GRIN2B: variants seen among roughly 807,000 people sequenced by gnomAD.
GRIN2B encodes glutamate ionotropic receptor NMDA type subunit 2B, also known as glutamate receptor ionotropic, NMDA 2B.
In GRIN2B, 5 loss-of-function variants were observed where a neutral mutation model predicts 114.5. That is an observed-to-expected ratio of 0.04 (90% CI 0.02 to 0.09). The LOEUF (loss-of-function observed/expected upper bound fraction) is 0.09. GRIN2B is among the 10% of genes least tolerant of loss of function. The probability of loss-of-function intolerance (pLI) is 1.00; values close to 1 mark genes in which losing one functional copy is unlikely to be tolerated. For missense variants in GRIN2B, 1,108 were observed against 1,943.5 expected (o/e 0.57, Z 8.08); for synonymous variants, 787 against 745.1 (o/e 1.06, Z -0.92).
At position 13,547,369 on chromosome 12, in the gene GRIN2B, A is replaced by G. The variant is rs532614094; in HGVS notation, c.*15414T>C. 8.5e-5 allele frequency: 13 copies of G among 152,328 alleles called. No individual in the cohort carries two copies. The highest frequency in any genetic ancestry group is 2.6e-4 in the African/African-American group (11 of 41,582). 9.4% of individuals were successfully genotyped at this position (152,328 alleles called of 1,614,324 possible). A position where few individuals can be genotyped will look rare whatever the true frequency, so the allele number is the denominator to read the frequency against. On this transcript the variant is annotated 3_prime_UTR_variant, in exon 14 of 14. Coordinates refer to ENST00000609686, the MANE Select transcript of GRIN2B (RefSeq NM_000834.5). ...AACCACTGAAGTTCATTTTGGAATC[A>G]TGGCCACCCAGAAGAGGAAAGGGGT...
intron 3 of GRIN2B, among the ~76,000 whole-genome samples, chr12:13,768,374 A>G (rs1863839710): frequency 6.6e-6 from 1 of 152,240 alleles, no homozygotes; most frequent in Admixed American, 6.5e-5. Context: ...AAAACTTGAA[A>G]GAATGGCAAG....
intron 2 of GRIN2B, among the ~76,000 whole-genome samples, chr12:13,946,703 C>T (rs1253649219): frequency 1.3e-5 from 2 of 151,876 alleles, no homozygotes; most frequent in African/African-American, 4.8e-5. Context: ...TTTTGACAGA[C>T]AAATATTAAA....
At chr12:13,794,207 C>CAAAAAAAAAAAAAAA (rs3082833) in intron 3 of GRIN2B, among the ~76,000 whole-genome samples, 1 of 103,062 alleles carries the variant, frequency 9.7e-6, no homozygotes, top group African/African-American at 3.9e-5. Context: ...GACTCTGTCT[C>CAAAAAAAAAAAAAAA]AAAAAAAAAA....
intron 10 of GRIN2B, among the ~76,000 whole-genome samples, chr12:13,573,996 G>A (rs1477808357): frequency 6.6e-6 from 1 of 152,192 alleles, no homozygotes; most frequent in Non-Finnish European, 1.5e-5. Flanking sequence ...TATTTTGAAA[G>A]GGGTTATAAT....
At chr12:13,597,330 C>A (rs1318930383) in intron 10 of GRIN2B, among the ~76,000 whole-genome samples, 1 of 152,114 alleles carries the variant, frequency 6.6e-6, no homozygotes, top group African/African-American at 2.4e-5. Flanking sequence ...GGGCAGGGAA[C>A]CTAAAGCCAA....
Position 13,549,967 on chromosome 12 carries a change from G to A in GRIN2B, c.*12816C>T, listed in dbSNP as rs1948389807. The A allele has an allele frequency of 6.6e-6, 1 of 152,126 alleles. No homozygotes were observed. Among genetic ancestry groups the A allele is most frequent in the African/African-American group, 2.4e-5 (1 of 41,438 alleles). 9.4% of individuals were successfully genotyped at this position (152,126 alleles called of 1,614,324 possible). On this transcript the variant is annotated 3_prime_UTR_variant, in exon 14 of 14. Transcript: ENST00000609686. ...CTGCTAGATGCTGAAAACCTACAGT[G>A]GGGGCAGACAATTCAGGCAGCATTA...
In GRIN2B at chr12:13,783,171, T is replaced by C. The variant is rs563494321; in HGVS notation, c.412-29256A>G. Among the ~76,000 whole-genome samples, 65 of 152,310 alleles carry C rather than the reference T, an allele frequency of 4.3e-4. 1 individual carries two copies. The highest frequency in any genetic ancestry group is 1.3e-3 in the African/African-American group (53 of 41,570). On this transcript the variant is annotated intron_variant, in intron 3 of 13. Transcript: ENST00000609686. Reference sequence around the variant, plus strand: ...ACTTCACTTTACTCAATGTCTTTACTGAAAATTCATTCAACTCTCTTCCAG... The same window carrying C: ...ACTTCACTTTACTCAATGTCTTTACCGAAAATTCATTCAACTCTCTTCCAG...
chr12:13,844,292 G>A (rs1865433078), intron 3 of GRIN2B, among the ~76,000 whole-genome samples: 1 of 152,076 alleles, frequency 6.6e-6, no homozygotes, highest in South Asian at 2.1e-4. Context: ...TCCTCTGTAT[G>A]GGTCCATTCC....
chr12:13,643,928 ATC>A (rs1949741242), intron 5 of GRIN2B, among the ~76,000 whole-genome samples: 1 of 152,094 alleles, frequency 6.6e-6, no homozygotes, highest in African/African-American at 2.4e-5. Flanking sequence ...TTTCCACCAC[ATC>A]TGTAGTTAAC....
chr12:13,913,998 A>G (rs1866668275), intron 2 of GRIN2B, among the ~76,000 whole-genome samples: 2 of 152,206 alleles, frequency 1.3e-5, no homozygotes. Flanking sequence ...ATTATTAATT[A>G]TATTTTCATC....
At chr12:13,971,624 G>A (rs1311479785) in intron 2 of GRIN2B, among the ~76,000 whole-genome samples, 2 of 152,180 alleles carry the variant, frequency 1.3e-5, no homozygotes, top group Non-Finnish European at 1.5e-5. Context: ...GGTCTGCTTA[G>A]CCAGCCCCAT....
At chr12:13,825,771 C>A (rs886248340) in intron 3 of GRIN2B, among the ~76,000 whole-genome samples, 15 of 152,002 alleles carry the variant, frequency 9.9e-5, no homozygotes, top group African/African-American at 3.6e-4. Context: ...CCCACCTCGG[C>A]CTCCCAAAGT....
At chr12:13,934,715 C>T (rs1365339429) in intron 2 of GRIN2B, among the ~76,000 whole-genome samples, 2 of 151,554 alleles carry the variant, frequency 1.3e-5, no homozygotes, top group Non-Finnish European at 2.9e-5. Flanking sequence ...GACCCCAATC[C>T]ACATGCTGAG....
At chr12:13,812,518 G>C (rs1213747359) in intron 3 of GRIN2B, among the ~76,000 whole-genome samples, 2 of 151,580 alleles carry the variant, frequency 1.3e-5, no homozygotes, top group Non-Finnish European at 2.9e-5. Context: ...TTCAACTGTA[G>C]ACATTTTCCA....
chr12:13,659,296 G>T (rs1028983569), intron 5 of GRIN2B, among the ~76,000 whole-genome samples: 2 of 152,134 alleles, frequency 1.3e-5, no homozygotes, highest in Non-Finnish European at 2.9e-5. Context: ...AGTGGTCATT[G>T]TCTCATCTTT....
intron 2 of GRIN2B, among the ~76,000 whole-genome samples, chr12:13,925,606 AT>A (rs1866899095): frequency 6.6e-6 from 1 of 152,136 alleles, no homozygotes; most frequent in Non-Finnish European, 1.5e-5. Context: ...ACCATCACCT[AT>A]GGCATTAGCC....
rs559997091 is a variant in GRIN2B at position 13,811,572 on chromosome 12, C to A, written c.411+54226G>T. Reference sequence around the variant, plus strand: ...CTCAGCCTGGGTGACACAGTGAGACCCTGTCTTTTAAATAAATAAATATGG... The same window carrying A: ...CTCAGCCTGGGTGACACAGTGAGACACTGTCTTTTAAATAAATAAATATGG... On this transcript the variant is annotated intron_variant, in intron 3 of 13. Coordinates refer to ENST00000609686, the MANE Select transcript of GRIN2B (RefSeq NM_000834.5). Among the ~76,000 whole-genome samples, 13 of 152,218 alleles carry A rather than the reference C, an allele frequency of 8.5e-5. No homozygotes were observed. The East Asian group carries it at 1.5e-3, about 18-fold the overall frequency.
At chr12:13,807,709 C>CTTTTTTT (rs71067726) in intron 3 of GRIN2B, among the ~76,000 whole-genome samples, 1 of 77,388 alleles carries the variant, frequency 1.3e-5, no homozygotes, top group Non-Finnish European at 2.4e-5. Flanking sequence ...AAGCAGAAGG[C>CTTTTTTT]TTTTTTTTTT....
chr12:13,687,600 T>C, intron 4 of GRIN2B, among the ~76,000 whole-genome samples: 1 of 152,180 alleles, frequency 6.6e-6, no homozygotes. Context: ...AGATCAAACT[T>C]AACATGACCA....
Sources: allele counts gnomAD v4.1 joint callset (sites outside exome capture counted in the v4.1 genomes callset), GRCh38; gene constraint gnomAD v4.1.1; transcripts MANE v1.5; gene names NCBI Gene and HGNC (gene_info 2026-07-23, HGNC 2026-07-21).